The following ZNF729 variants were observed in gnomAD, a reference collection of about 807,000 sequenced individuals.
ZNF729 encodes zinc finger protein 729.
ZNF729 carries 15 observed loss-of-function variants against 12.2 expected under a neutral mutation model. That is an observed-to-expected ratio of 1.23 (90% CI 0.82 to 1.89). ZNF729 has a LOEUF of 1.89. Among genes scored for constraint, ZNF729 ranks in the 40% most tolerant of loss-of-function variants. The pLI, the probability that ZNF729 is intolerant of heterozygous loss-of-function variation, is 0.00. For synonymous variants in ZNF729, 492 were observed against 476.3 expected, an observed-to-expected ratio of 1.03 and a Z score of -0.43; for missense variants, 1,540 against 1,456.7, an observed-to-expected ratio of 1.06 and a Z score of -0.93.
intron 1 of ZNF729, among the ~76,000 whole-genome samples, chr19:22,293,963 T>C (rs536139587): frequency 1.3e-5 from 2 of 152,374 alleles, no homozygotes; most frequent in East Asian, 3.9e-4. Context: ...GTGAAGAAGA[T>C]ATTTAGTTTA....
chr19:22,295,298 C>T (rs1205665817), intron 1 of ZNF729, among the ~76,000 whole-genome samples: 3 of 151,526 alleles, frequency 2.0e-5, no homozygotes, highest in Non-Finnish European at 4.4e-5. Flanking sequence ...TGTTTGAATG[C>T]CTTTCATTTT....
chr19:22,312,722 T>A (rs1968466673), intron 3 of ZNF729, among the ~76,000 whole-genome samples: 1 of 152,150 alleles, frequency 6.6e-6, no homozygotes, highest in Non-Finnish European at 1.5e-5. Context: ...TTTGTTTGTT[T>A]GTTTTTTTGA....
intron 3 of ZNF729, among the ~76,000 whole-genome samples, chr19:22,309,098 G>A (rs1362248428): frequency 6.6e-6 from 1 of 152,144 alleles, no homozygotes; most frequent in African/African-American, 2.4e-5. Flanking sequence ...AAAAGATGAG[G>A]ATCCAGTTTT....
chr19:22,293,807 C>CAA (rs1968187972), intron 1 of ZNF729, among the ~76,000 whole-genome samples: 1 of 152,050 alleles, frequency 6.6e-6, no homozygotes, highest in Non-Finnish European at 1.5e-5. Flanking sequence ...TTTTGTCTAC[C>CAA]TTTTAAGGAG....
At chr19:22,312,125 A>G (rs1308531883) in intron 3 of ZNF729, among the ~76,000 whole-genome samples, 1 of 151,684 alleles carries the variant, frequency 6.6e-6, no homozygotes, top group Non-Finnish European at 1.5e-5. Flanking sequence ...ATTTTTTTCA[A>G]TTTTTTATAG....
rs997462037 is a variant in ZNF729 at position 22,312,042 on chromosome 19, G to A, written c.254-1629G>A. On this transcript the variant is annotated intron_variant, in intron 3 of 3. Coordinates refer to ENST00000601693, the MANE Select transcript of ZNF729 (RefSeq NM_001242680.2). ...CCTCTTGTTTAGCATGATATTGTGG[G>A]GTTCTCTGGCTTAGGTGAATAGCAA... Among the ~76,000 whole-genome samples the A allele has an allele frequency of 3.1e-4, 47 of 151,966 alleles. 1 individual carries two copies. Among genetic ancestry groups the A allele is most frequent in the African/African-American group, 8.4e-4 (35 of 41,438 alleles).
At chr19:22,290,538 T>C (rs1434890445) in intron 1 of ZNF729, among the ~76,000 whole-genome samples, 30 of 151,956 alleles carry the variant, frequency 2.0e-4, no homozygotes, top group Admixed American at 2.0e-3. Context: ...GGATGGCAAA[T>C]GGAGGGTGAA....
intron 2 of ZNF729, among the ~76,000 whole-genome samples, chr19:22,304,347 T>C (rs58345178): frequency 1.3e-5 from 2 of 152,176 alleles, no homozygotes; most frequent in South Asian, 4.1e-4. Flanking sequence ...CCAAAAGGAA[T>C]TTTTTAAAGA....
rs745408163 is a variant in ZNF729, at chr19:22,313,883, T to A, written c.466T>A (p.Cys156Ser). ...AGCTACCCAGAGAAAAATATTTCAG[T>A]GTAACAAACATATGAAAGTCTTTCA... ...RTATQRKIFQ[C>S]NKHMKVFHKY... Residue 156 changes from cysteine (C) to serine (S), a missense_variant, in exon 4 of 4, where the codon TGT (cysteine) becomes AGT (serine). Coordinates refer to ENST00000601693, the MANE Select transcript of ZNF729 (RefSeq NM_001242680.2). 6.5e-7 allele frequency: 1 copy of A among 1,543,242 alleles called. No individual in the cohort carries two copies. The highest frequency in any genetic ancestry group is 1.2e-5 in the South Asian group (1 of 83,118).
chr19:22,297,623 CTTTG>C (rs1427416329), intron 1 of ZNF729, among the ~76,000 whole-genome samples: 1 of 140,686 alleles, frequency 7.1e-6, no homozygotes, highest in Non-Finnish European at 1.5e-5. Flanking sequence ...AGATTCATTG[CTTTG>C]TTTTTGCTTT....
chr19:22,313,760 T>C lies in ZNF729; in HGVS notation c.343T>C (p.Cys115Arg), dbSNP rs776249563. 1.3e-6 allele frequency: 2 copies of C among 1,597,638 alleles called. No homozygotes were observed. Among genetic ancestry groups the C allele is most frequent in the Non-Finnish European group, 1.7e-6 (2 of 1,173,064 alleles). ...AGTAATACTGAGAACATATGCAAGA[T>C]GTGGACATAAGAATTTACGATTAAG... Reference protein sequence around the residue: ...QEVILRTYARCGHKNLRLRKD... With the variant: ...QEVILRTYARRGHKNLRLRKD... The change falls in exon 4 of 4, where the codon TGT becomes CGT. Residue 115 changes from cysteine to arginine, a missense_variant. Physicochemically the swap from Cys to Arg is radical, Grantham distance 180. Coordinates refer to ENST00000601693, the MANE Select transcript of ZNF729 (RefSeq NM_001242680.2).
At chr19:22,292,512 TA>T (rs1468093071) in intron 1 of ZNF729, among the ~76,000 whole-genome samples, 1 of 152,010 alleles carries the variant, frequency 6.6e-6, no homozygotes, top group Non-Finnish European at 1.5e-5. Flanking sequence ...GATCTCAGCT[TA>T]CTGCAGCCTC....
In ZNF729 at chr19:22,316,225, C is replaced by T. The variant is rs549083111; in HGVS notation, c.2808C>T (p.Tyr936=). ...HKIIHTGKKP[Y]KCEECGKAFN... The stretch of plus-strand genomic sequence containing the variant: ...TAATTCATACTGGAAAGAAACCCTA[C>T]AAATGTGAAGAATGTGGCAAAGCTT... Residue 936 remains tyrosine, a synonymous_variant, in exon 4 of 4, where the codon TAC becomes TAT. Transcript: ENST00000601693. The T allele has an allele frequency of 1.1e-4, 178 of 1,613,400 alleles. 2 individuals carry two copies. In the East Asian group the frequency reaches 3.7e-3, roughly 33 times the overall value.
intron 3 of ZNF729, among the ~76,000 whole-genome samples, chr19:22,311,620 T>C (rs763374904): frequency 1.1e-4 from 16 of 152,206 alleles, no homozygotes; most frequent in Non-Finnish European, 2.1e-4. Context: ...TCATATGGTC[T>C]ATTTGGAGAA....
intron 3 of ZNF729, among the ~76,000 whole-genome samples, chr19:22,305,955 A>T (rs1968372650): frequency 6.6e-6 from 1 of 152,060 alleles, no homozygotes; most frequent in African/African-American, 2.4e-5. Context: ...GGCACATGGC[A>T]TTAAACCTAG....
intron 1 of ZNF729, among the ~76,000 whole-genome samples, chr19:22,301,290 C>T (rs557806583): frequency 5.4e-4 from 82 of 152,314 alleles, no homozygotes; most frequent in Non-Finnish European, 4.0e-4. Flanking sequence ...GTGTATGTTG[C>T]GGGCAACTTG....
chr19:22,304,311 T>C (rs1464075371), intron 2 of ZNF729, among the ~76,000 whole-genome samples: 2 of 152,178 alleles, frequency 1.3e-5, no homozygotes, highest in East Asian at 3.9e-4. Flanking sequence ...AGTGCTGGGA[T>C]TACAGGCGTG....
At chr19:22,294,738 C>T (rs1420315983) in intron 1 of ZNF729, among the ~76,000 whole-genome samples, 1 of 148,122 alleles carries the variant, frequency 6.8e-6, no homozygotes, top group African/African-American at 2.5e-5. Context: ...CTCACCACAA[C>T]CTCTGCCTCC....
rs973945214 is a variant in ZNF729, at chr19:22,308,544, A to AT, written c.253+3771dup. On this transcript the variant is annotated intron_variant, in intron 3 of 3. Coordinates refer to ENST00000601693, the MANE Select transcript of ZNF729 (RefSeq NM_001242680.2). ...CACACCAACATCTACTGTTTTTTTGATTTTTTTTTTATTATGGCCATTTTT... is the reference window on the plus strand; with the variant it reads ...CACACCAACATCTACTGTTTTTTTGATTTTTTTTTTTATTATGGCCATTTTT... Among the ~76,000 whole-genome samples the AT allele has an allele frequency of 4.7e-4, 69 of 148,180 alleles. 1 individual carries two copies. Among genetic ancestry groups the AT allele is most frequent in the Admixed American group, 8.1e-4 (12 of 14,836 alleles).
Sources: gnomAD v4.1 joint callset for allele counts (sites outside exome capture counted in the v4.1 genomes callset) on GRCh38, gnomAD v4.1.1 for gene constraint, MANE v1.5 for transcripts, NCBI Gene and HGNC (gene_info 2026-07-23, HGNC 2026-07-21) for gene names.